Variants in KIF26B observed in about 807,000 individuals in gnomAD.
KIF26B encodes kinesin-like protein KIF26B.
Under a neutral mutation model 151.2 loss-of-function variants are expected in KIF26B, and 63 were observed. The ratio of observed to expected loss-of-function variants is 0.42; its 90% CI spans 0.34 to 0.51. The LOEUF (loss-of-function observed/expected upper bound fraction) is 0.51, where lower values mean the gene tolerates loss of function less well. Among genes scored for constraint, KIF26B ranks in the 20% least tolerant of loss-of-function variants. The pLI is 0.07. For synonymous variants in KIF26B, 1,357 were observed against 1,262.1 expected, an observed-to-expected ratio of 1.08 and a Z score of -1.59; for missense variants, 2,813 against 2,913.6, an observed-to-expected ratio of 0.97 and a Z score of 0.79.
intron 2 of KIF26B, among the ~76,000 whole-genome samples, chr1:245,347,272 A>G (rs1348873833): frequency 6.6e-6 from 1 of 151,882 alleles, no homozygotes; most frequent in East Asian, 1.9e-4. Flanking sequence ...TCTTAACCTC[A>G]CACATCTCAT....
At position 245,170,141 on chromosome 1, in the gene KIF26B, A is replaced by T. The variant is rs1573685345; in HGVS notation, c.465+13458A>T. On this transcript the variant is annotated intron_variant, in intron 2 of 14. Coordinates refer to ENST00000407071, the MANE Select transcript of KIF26B (RefSeq NM_018012.4). The surrounding 1 kb of genome is among the most constrained non-coding windows in gnomAD (Gnocchi z 4.4). Reference sequence around the variant, plus strand: ...TGGGACGGTGGTGACAAATGGCGGGATGGGAGATGATGCCTGGGTGAGTCC... The same window carrying T: ...TGGGACGGTGGTGACAAATGGCGGGTTGGGAGATGATGCCTGGGTGAGTCC... 6.6e-6 allele frequency among the ~76,000 whole-genome samples: 1 copy of T among 152,054 alleles called. No individual in the cohort carries two copies. The highest frequency in any genetic ancestry group is 1.5e-5 in the Non-Finnish European group (1 of 67,996).
chr1:245,303,125 ATTTCT>A (rs1179736961), intron 2 of KIF26B, among the ~76,000 whole-genome samples: 1 of 149,830 alleles, frequency 6.7e-6, no homozygotes, highest in Non-Finnish European at 1.5e-5. Flanking sequence ...CCTTAAACAC[ATTTCT>A]TTACTTTGCT....
At chr1:245,201,025 A>T (rs1042965978) in intron 2 of KIF26B, among the ~76,000 whole-genome samples, 2 of 152,212 alleles carry the variant, frequency 1.3e-5, no homozygotes, top group African/African-American at 4.8e-5. Flanking sequence ...GAACAACCCT[A>T]AAAAGGAGAC....
At chr1:245,344,143 T>C (rs1672392036) in intron 2 of KIF26B, among the ~76,000 whole-genome samples, 1 of 149,498 alleles carries the variant, frequency 6.7e-6, no homozygotes, top group South Asian at 2.1e-4. Flanking sequence ...TCTCTCCCTG[T>C]TTCTCTGTCT....
chr1:245,552,156 T>TG (rs1661901219), intron 5 of KIF26B, among the ~76,000 whole-genome samples: 1 of 150,734 alleles, frequency 6.6e-6, no homozygotes, highest in African/African-American at 2.4e-5. Context: ...TGTGTGTGTG[T>TG]GTGTGTGTGT....
At chr1:245,404,224 T>C (rs115352750) in intron 3 of KIF26B, among the ~76,000 whole-genome samples, 1 of 150,148 alleles carries the variant, frequency 6.7e-6, no homozygotes, top group African/African-American at 2.5e-5. Context: ...TTTTTTTTTT[T>C]ATAAAGCGTA....
chr1:245,604,507 A>G (rs1057441369), intron 6 of KIF26B, among the ~76,000 whole-genome samples: 5 of 152,218 alleles, frequency 3.3e-5, no homozygotes, highest in Non-Finnish European at 7.3e-5. Flanking sequence ...ATATCACCCA[A>G]TGGGCTCAGT....
At chr1:245,671,506 T>C (rs1455323563) in intron 10 of KIF26B, among the ~76,000 whole-genome samples, 2 of 152,114 alleles carry the variant, frequency 1.3e-5, no homozygotes, top group Admixed American at 6.5e-5. Flanking sequence ...TGTTACTTAA[T>C]GGGTAGAGTT....
intron 2 of KIF26B, among the ~76,000 whole-genome samples, chr1:245,337,539 T>C (rs1014115166): frequency 1.3e-5 from 2 of 151,326 alleles, no homozygotes; most frequent in Non-Finnish European, 3.0e-5. Context: ...TGTGTGTGTG[T>C]GTGTGTGTGT....
chr1:245,632,474 A>G (rs1174745031), intron 9 of KIF26B, among the ~76,000 whole-genome samples: 1 of 152,208 alleles, frequency 6.6e-6, no homozygotes, highest in Admixed American at 6.5e-5. Context: ...ATGTACTGAT[A>G]ATAAGGTTGT....
rs1202152686 is a variant in KIF26B at position 245,516,603 on chromosome 1, A to G, written c.1167-24164A>G. Reference sequence around the variant, plus strand: ...CCTTTGACCCTGGGTGTCTCCACAAATGAACCACCTGCTGTGTCTTGGTGG... The same window carrying G: ...CCTTTGACCCTGGGTGTCTCCACAAGTGAACCACCTGCTGTGTCTTGGTGG... On this transcript the variant is annotated intron_variant, in intron 4 of 14. Transcript: ENST00000407071. This position sits in a 1 kb window ranked among gnomAD's most constrained non-coding sequence, Gnocchi z 4.2. Among the ~76,000 whole-genome samples the G allele has an allele frequency of 6.6e-6, 1 of 151,800 alleles. No homozygotes were observed. Among genetic ancestry groups the G allele is most frequent in the African/African-American group, 2.4e-5 (1 of 41,294 alleles).
At chr1:245,308,635 G>A (rs1671604668) in intron 2 of KIF26B, among the ~76,000 whole-genome samples, 1 of 152,220 alleles carries the variant, frequency 6.6e-6, no homozygotes, top group Non-Finnish European at 1.5e-5. Flanking sequence ...GGGAGGCGGA[G>A]GCGGGAGGAT....
intron 2 of KIF26B, among the ~76,000 whole-genome samples, chr1:245,205,687 A>G (rs1196773246): frequency 6.7e-6 from 1 of 148,558 alleles, no homozygotes. Flanking sequence ...TTCCTGAGGA[A>G]CGTTTTCTTT....
At chr1:245,580,919 T>C (rs1347603676) in intron 5 of KIF26B, among the ~76,000 whole-genome samples, 1 of 152,256 alleles carries the variant, frequency 6.6e-6, no homozygotes, top group Non-Finnish European at 1.5e-5. Flanking sequence ...TCCAGTCATC[T>C]CTTTTGCTGC....
At chr1:245,684,175 C>G in intron 10 of KIF26B, 58 bp from the exon 11 acceptor site, 1 of 1,573,368 alleles carries the variant, frequency 6.4e-7, no homozygotes, top group Non-Finnish European at 8.7e-7. Context: ...GAAGCCCTGC[C>G]CTGAGGGCCA....
intron 3 of KIF26B, among the ~76,000 whole-genome samples, chr1:245,409,660 T>G (rs939868842): frequency 1.3e-5 from 2 of 152,130 alleles, no homozygotes; most frequent in African/African-American, 4.8e-5. Context: ...GCTAAGATAA[T>G]AAGAGTAATC....
intron 2 of KIF26B, among the ~76,000 whole-genome samples, chr1:245,332,229 T>C (rs1672128755): frequency 6.6e-6 from 1 of 152,150 alleles, no homozygotes; most frequent in African/African-American, 2.4e-5. Flanking sequence ...TCTAAGACCA[T>C]TTGTGTATCA....
intron 10 of KIF26B, among the ~76,000 whole-genome samples, chr1:245,659,909 G>C (rs763044992): frequency 6.6e-6 from 1 of 151,184 alleles, no homozygotes. Flanking sequence ...AAAGCCAGGC[G>C]TGGTGGAACA....
At chr1:245,306,384 C>T (rs542682774) in intron 2 of KIF26B, among the ~76,000 whole-genome samples, 14 of 152,202 alleles carry the variant, frequency 9.2e-5, no homozygotes, top group East Asian at 1.9e-4. Flanking sequence ...TGAATTGGGA[C>T]GTTGCAGCTA....
Sources: allele counts gnomAD v4.1 joint callset (sites outside exome capture counted in the v4.1 genomes callset), GRCh38; gene constraint gnomAD v4.1.1; non-coding constraint Gnocchi (gnomAD v3.1); transcripts MANE v1.5; gene names NCBI Gene and HGNC (gene_info 2026-07-23, HGNC 2026-07-21).